The following AQP9 variants were observed in gnomAD, a reference collection of about 807,000 sequenced individuals.
AQP9 encodes aquaporin 9, also known as aquaporin-9.
AQP9 carries 19 observed loss-of-function variants against 23.8 expected under a neutral mutation model. That is an observed-to-expected ratio of 0.80 (90% CI 0.56 to 1.17). The LOEUF is 1.17. Among genes scored for constraint, AQP9 ranks in the 50% most tolerant of loss-of-function variants. The probability of loss-of-function intolerance (pLI) is 0.00; values close to 1 mark genes in which losing one functional copy is unlikely to be tolerated. For missense variants in AQP9, 413 were observed against 362.0 expected, an observed-to-expected ratio of 1.14 and a Z score of -1.14; for synonymous variants, 153 against 131.5, an observed-to-expected ratio of 1.16 and a Z score of -1.12.
At chr15:58,180,659 A>G (rs1406131620) in intron 5 of AQP9, among the ~76,000 whole-genome samples, 2 of 152,202 alleles carry the variant, frequency 1.3e-5, no homozygotes, top group African/African-American at 4.8e-5. Flanking sequence ...CTAGAACAGC[A>G]GTTCTCAACC....
Position 58,138,745 on chromosome 15 carries a change from G to C in AQP9, c.111+69G>C, listed in dbSNP as rs182501952. 5,938 of 1,385,394 alleles carry C rather than the reference G, an allele frequency of 4.3e-3. 17 individuals are homozygous for C. The highest frequency in any genetic ancestry group is 4.9e-3 in the Non-Finnish European group (4,790 of 980,678). The allele number at this position is 1,385,394 out of a possible 1,614,324, so 85.8% of individuals were successfully genotyped here. On this transcript the variant is annotated intron_variant, in intron 1 of 5. Transcript: ENST00000219919. ...CCCTAGCTGCCAGGCTGGTAGTGGA[G>C]AGTTTTGTTTGGTTTGTTTTATTTA...
intron 2 of AQP9, among the ~76,000 whole-genome samples, chr15:58,169,779 A>G (rs1410701265): frequency 1.3e-5 from 2 of 152,224 alleles, no homozygotes; most frequent in Non-Finnish European, 2.9e-5. Context: ...TAATACCCTA[A>G]TTATGTAGCA....
At chr15:58,151,154 T>C (rs1262668489) in intron 1 of AQP9, 1 of 152,160 alleles carries the variant, frequency 6.6e-6, no homozygotes, top group African/African-American at 2.4e-5. Context: ...TTATCAATAC[T>C]CATTATAATT....
rs1898998860 is a variant in AQP9, at chr15:58,185,269, T to C, written c.*1134T>C. 1 of 152,680 alleles carries C rather than the reference T, an allele frequency of 6.5e-6. No individual in the cohort carries two copies. Among genetic ancestry groups the C allele is most frequent in the South Asian group, 2.1e-4 (1 of 4,834 alleles). The allele number at this position is 152,680 out of a possible 1,614,324, so 9.5% of individuals were successfully genotyped here. The stretch of plus-strand genomic sequence containing the variant: ...ACACTGAAAGTTGAATGTTATCTAA[T>C]GCATTCCTCTACCTTTCAGAAGATC... On this transcript the variant is annotated 3_prime_UTR_variant, in exon 6 of 6. Coordinates refer to ENST00000219919, the MANE Select transcript of AQP9 (RefSeq NM_020980.5).
intron 1 of AQP9, among the ~76,000 whole-genome samples, chr15:58,149,996 G>T (rs190555501): frequency 7.2e-4 from 110 of 152,334 alleles, no homozygotes; most frequent in Middle Eastern, 3.4e-3. Flanking sequence ...TATCACCATG[G>T]TATCTGCAAG....
chr15:58,145,430 G>A (rs1452611673), intron 1 of AQP9, among the ~76,000 whole-genome samples: 8 of 151,300 alleles, frequency 5.3e-5, no homozygotes, highest in Admixed American at 2.6e-4. Context: ...TTGAACCTGG[G>A]AGGCGGAGAT....
At chr15:58,142,134 C>T (rs563991729) in intron 1 of AQP9, among the ~76,000 whole-genome samples, 1 of 152,288 alleles carries the variant, frequency 6.6e-6, no homozygotes, top group African/African-American at 2.4e-5. Context: ...ACACACTCGC[C>T]CTTGGACTTC....
chr15:58,166,545 T>C, intron 1 of AQP9, 128 bp from the exon 2 acceptor site: 1 of 1,238,744 alleles, frequency 8.1e-7, no homozygotes, highest in South Asian at 1.6e-5. Context: ...TCATTATAAT[T>C]TGATTTGTAT....
chr15:58,174,930 C>G lies in AQP9; in HGVS notation c.389C>G (p.Ser130Cys). ...VFGIYYDGLM[S>C]FAGGKLLIVG... ...TTCTCTTTCATAGATGGACTTATGT[C>G]CTTTGCTGGTGGAAAACTGCTGATC... The change falls in exon 4 of 6, where the codon TCC (serine) becomes TGC (cysteine). Residue 130 changes from serine (S) to cysteine (C), a missense_variant. Transcript: ENST00000219919. 6.2e-7 allele frequency: 1 copy of G among 1,614,052 alleles called. No individual in the cohort carries two copies. Among genetic ancestry groups the G allele is most frequent in the Non-Finnish European group, 8.5e-7 (1 of 1,179,908 alleles).
chr15:58,166,572 C>A (rs1029613844), intron 1 of AQP9, 101 bp from the exon 2 acceptor site: 30 of 1,446,890 alleles, frequency 2.1e-5, no homozygotes, highest in Non-Finnish European at 2.7e-5. Context: ...CAAGGCAACC[C>A]AATCCATGAC....
chr15:58,150,271 C>T (rs1366737112), intron 1 of AQP9: 1 of 152,636 alleles, frequency 6.6e-6, no homozygotes, highest in Non-Finnish European at 1.5e-5. Context: ...GGAAGGTAGT[C>T]GCCATCGCAA....
chr15:58,166,979 T>C (rs927937126), intron 2 of AQP9, among the ~76,000 whole-genome samples, 180 bp downstream of exon 2: 2 of 152,256 alleles, frequency 1.3e-5, no homozygotes, highest in South Asian at 4.1e-4. Context: ...TAACTTATTA[T>C]GCAAAGGCAA....
intron 3 of AQP9, among the ~76,000 whole-genome samples, chr15:58,173,828 G>A (rs1421996301): frequency 1.3e-5 from 2 of 152,214 alleles, no homozygotes; most frequent in African/African-American, 4.8e-5. Context: ...TGAATCAGAT[G>A]ACTCTCGAGG....
chr15:58,184,027 C>T lies in AQP9; in HGVS notation c.780C>T (p.Leu260=), dbSNP rs374406557. 6.2e-7 allele frequency: 1 copy of T among 1,614,102 alleles called. No individual in the cohort carries two copies. ...TGGTTGGTGCTGTCATTGGAGGCCTCATCTATGTTCTTGTCATTGAAATCC... is the reference window on the plus strand; with the variant it reads ...TGGTTGGTGCTGTCATTGGAGGCCTTATCTATGTTCTTGTCATTGAAATCC... ...GPLVGAVIGG[L]IYVLVIEIHH... The change falls in exon 6 of 6, where the codon CTC becomes CTT. Residue 260 remains leucine (L), a synonymous_variant. Transcript: ENST00000219919.
At chr15:58,179,416 A>T (rs1898833777) in intron 5 of AQP9, 71 bp downstream of exon 5, 8 of 1,411,604 alleles carry the variant, frequency 5.7e-6, no homozygotes, top group Middle Eastern at 2.4e-4. Context: ...GGGCTTTGAC[A>T]TGGAGATCCA....
intron 1 of AQP9, among the ~76,000 whole-genome samples, chr15:58,139,935 T>C (rs1897923918): frequency 2.6e-5 from 4 of 152,222 alleles, no homozygotes; most frequent in Admixed American, 2.6e-4. Context: ...AAGTAGTTAT[T>C]TCTAACTAAA....
chr15:58,173,834 C>T (rs146376726), intron 3 of AQP9, among the ~76,000 whole-genome samples: 1 of 152,336 alleles, frequency 6.6e-6, no homozygotes, highest in African/African-American at 2.4e-5. Context: ...AGATGACTCT[C>T]GAGGCCTTTC....
intron 2 of AQP9, among the ~76,000 whole-genome samples, chr15:58,168,977 C>T (rs185049447): frequency 2.0e-5 from 3 of 152,276 alleles, no homozygotes; most frequent in African/African-American, 7.2e-5. Context: ...TGGCCCCAGA[C>T]CCTACCACTG....
At chr15:58,158,846 G>A (rs1295363441) in intron 1 of AQP9, among the ~76,000 whole-genome samples, 1 of 152,126 alleles carries the variant, frequency 6.6e-6, no homozygotes, top group African/African-American at 2.4e-5. Context: ...AAGGTTCCCT[G>A]GTGGTCCCTG....
Sources: gnomAD v4.1 joint callset for allele counts (sites outside exome capture counted in the v4.1 genomes callset) on GRCh38, gnomAD v4.1.1 for gene constraint, MANE v1.5 for transcripts, NCBI Gene and HGNC (gene_info 2026-07-23, HGNC 2026-07-21) for gene names.